The following RAG1 variants were observed in gnomAD, a reference collection of about 807,000 sequenced individuals.
RAG1 encodes the protein recombination activating 1, also known as V(D)J recombination-activating protein 1.
A neutral mutation model predicts 62.7 loss-of-function variants in RAG1; 35 were observed. That is an observed-to-expected ratio of 0.56 (90% CI 0.43 to 0.74). The LOEUF (loss-of-function observed/expected upper bound fraction) is 0.74, where lower values mean the gene tolerates loss of function less well. Among genes scored for constraint, RAG1 ranks in the 30% least tolerant of loss-of-function variants. RAG1 has a pLI of 0.00. For missense variants in RAG1, 1,169 were observed against 1,278.6 expected (o/e 0.91, Z 1.31); for synonymous variants, 461 against 470.3 (o/e 0.98, Z 0.26).
At chr11:36,518,785 T>A (rs1029746696) in intron 1 of RAG1, among the ~76,000 whole-genome samples, 10 of 152,242 alleles carry the variant, frequency 6.6e-5, no homozygotes, top group African/African-American at 2.4e-4. Flanking sequence ...TCTCCCATTC[T>A]ATAGGTTGCC....
chr11:36,529,376 G>T (rs760835230), intron 2 of RAG1, among the ~76,000 whole-genome samples: 2 of 152,248 alleles, frequency 1.3e-5, no homozygotes, highest in Non-Finnish European at 2.9e-5. Flanking sequence ...CACGTAAACA[G>T]AACCAACGAC....
chr11:36,557,575 G>C (rs928593879), intron 3 of RAG1, among the ~76,000 whole-genome samples: 3 of 152,074 alleles, frequency 2.0e-5, no homozygotes, highest in East Asian at 3.9e-4. Flanking sequence ...CGTCTTCTGC[G>C]TCGCTCACGC....
At chr11:36,551,454 C>G (rs908791774) in intron 3 of RAG1, among the ~76,000 whole-genome samples, 5 of 151,976 alleles carry the variant, frequency 3.3e-5, no homozygotes, top group African/African-American at 9.7e-5. Flanking sequence ...TCTGAGGTCT[C>G]TCCTTGGCTT....
intron 2 of RAG1, among the ~76,000 whole-genome samples, chr11:36,523,742 A>T (rs111355712): frequency 0.01 from 1,539 of 152,254 alleles, 22 homozygotes; most frequent in Non-Finnish European, 0.016. Flanking sequence ...TAATTTTTTT[A>T]AAAAAATTAC....
chr11:36,511,055 G>C (rs186192077), intron 1 of RAG1: 2 of 152,262 alleles, frequency 1.3e-5, no homozygotes, highest in Admixed American at 1.3e-4. Context: ...TACTTAATCT[G>C]TACTTGTTTC....
At chr11:36,542,233 C>T (rs917192468) in intron 3 of RAG1, among the ~76,000 whole-genome samples, 10 of 152,130 alleles carry the variant, frequency 6.6e-5, no homozygotes, top group African/African-American at 2.4e-4. Flanking sequence ...AAAAGTCCTT[C>T]TTTATATGAA....
chr11:36,565,223 A>G (rs540005546), upstream of RAG1, among the ~76,000 whole-genome samples: 2 of 152,352 alleles, frequency 1.3e-5, no homozygotes, highest in Admixed American at 6.5e-5. Context: ...TGCAGCGTTC[A>G]CACACTCAGA....
At chr11:36,531,929 G>A (rs1388621625) in intron 2 of RAG1, among the ~76,000 whole-genome samples, 2 of 151,842 alleles carry the variant, frequency 1.3e-5, no homozygotes, top group Non-Finnish European at 2.9e-5. Flanking sequence ...CATTTAGCAT[G>A]ATGTTGCGTT....
In RAG1 at chr11:36,579,318, G is replaced by C. The variant is rs959259984; in HGVS notation, c.*2882G>C. On this transcript the variant is annotated 3_prime_UTR_variant, in exon 2 of 2. Transcript: ENST00000299440. ...GTGGTTTTTGATTGCAAATATGTGT[G>C]TGTCTTCAGTGATTGTATGACAGAT... 6.0e-6 allele frequency: 1 copy of C among 167,088 alleles called. No individual in the cohort carries two copies. Among genetic ancestry groups the C allele is most frequent in the African/African-American group, 2.4e-5 (1 of 41,460 alleles). The allele number at this position is 167,088 out of a possible 1,614,324, so 10.4% of individuals were successfully genotyped here. A position where few individuals can be genotyped will look rare whatever the true frequency, so the allele number is the denominator to read the frequency against.
intron 1 of RAG1, among the ~76,000 whole-genome samples, chr11:36,512,325 T>C (rs550715731): frequency 1.3e-5 from 2 of 152,338 alleles, no homozygotes; most frequent in South Asian, 2.1e-4. Context: ...ACTCAGTTGA[T>C]GTATGAAGGG....
At chr11:36,544,600 T>A (rs1161029726) in intron 3 of RAG1, among the ~76,000 whole-genome samples, 7 of 152,248 alleles carry the variant, frequency 4.6e-5, no homozygotes, top group African/African-American at 1.7e-4. Flanking sequence ...ATGTACATTG[T>A]TCTGTATCCT....
rs1180804039 is a variant in RAG1 at position 36,575,272 on chromosome 11, G to A, written c.1968G>A (p.Lys656=). The A allele has an allele frequency of 2.5e-6, 4 of 1,614,204 alleles. No homozygotes were observed. The highest frequency in any genetic ancestry group is 3.4e-6 in the Non-Finnish European group (4 of 1,180,038). ...AACCTAACTCTGAACTGTGTTGCAA[G>A]CCATTGTGCCTTATGCTGGCAGATG... is the stretch of plus-strand genomic sequence containing the variant. ...EAKPNSELCC[K]PLCLMLADES... The change falls in exon 2 of 2, where the codon AAG becomes AAA. Residue 656 remains lysine (K), a synonymous_variant. Transcript: ENST00000299440. This position sits in a 1 kb window ranked among gnomAD's most constrained non-coding sequence, Gnocchi z 4.1.
rs538346861 is a variant in RAG1 at position 36,511,842 on chromosome 11, C to T, written n.330+804C>T. ...AAGAGAATCAGAGTTCCCTCCACTT[C>T]TTAGTGTGAGCTCTGGGGCAGGTTA... On this transcript the variant is annotated intron_variant and non_coding_transcript_variant, in intron 1 of 2. Coordinates refer to the RAG1 transcript ENST00000529126. 1.7e-3 allele frequency among the ~76,000 whole-genome samples: 259 copies of T among 152,158 alleles called. 1 individual carries two copies. The highest frequency in any genetic ancestry group is 3.3e-3 in the Non-Finnish European group (225 of 68,032).
intron 1 of RAG1, among the ~76,000 whole-genome samples, chr11:36,513,677 T>C (rs978545232): frequency 1.3e-5 from 2 of 152,278 alleles, no homozygotes; most frequent in East Asian, 3.9e-4. Context: ...GACTCACAGT[T>C]CCACATGACT....
At chr11:36,572,854 T>C (rs1166915618) in intron 1 of RAG1, among the ~76,000 whole-genome samples, 1 of 152,232 alleles carries the variant, frequency 6.6e-6, no homozygotes, top group Non-Finnish European at 1.5e-5. Context: ...AAATACATTG[T>C]CCAGCTAGTA....
At chr11:36,548,443 T>C (rs912190921) in intron 3 of RAG1, among the ~76,000 whole-genome samples, 5 of 152,146 alleles carry the variant, frequency 3.3e-5, no homozygotes, top group African/African-American at 9.7e-5. Context: ...CAAAAATCAA[T>C]GTGCAAAAAT....
chr11:36,525,557 A>G (rs1327716333), intron 2 of RAG1, among the ~76,000 whole-genome samples: 2 of 152,150 alleles, frequency 1.3e-5, no homozygotes, highest in Admixed American at 6.5e-5. Flanking sequence ...TAGATCTTCT[A>G]TGACTTCTTT....
intron 2 of RAG1, among the ~76,000 whole-genome samples, chr11:36,528,178 A>T (rs892686242): frequency 2.6e-5 from 4 of 152,190 alleles, no homozygotes; most frequent in African/African-American, 9.7e-5. Flanking sequence ...ACCCCAAATC[A>T]ACAGAATATA....
intron 2 of RAG1, among the ~76,000 whole-genome samples, chr11:36,524,579 C>G (rs185784357): frequency 6.6e-6 from 1 of 151,722 alleles, no homozygotes; most frequent in African/African-American, 2.4e-5. Flanking sequence ...GCTCCACCTT[C>G]CCTCGCTCAG....
Sources: gnomAD v4.1 joint callset for allele counts (sites outside exome capture counted in the v4.1 genomes callset) on GRCh38, gnomAD v4.1.1 for gene constraint, Gnocchi (gnomAD v3.1) non-coding constraint, MANE v1.5 for transcripts, NCBI Gene and HGNC (gene_info 2026-07-23, HGNC 2026-07-21) for gene names.